The following SHC2 variants were observed in gnomAD, a reference collection of about 807,000 sequenced individuals.
SHC2 encodes SHC-transforming protein 2.
A neutral mutation model predicts 60.6 loss-of-function variants in SHC2; 62 were observed. The ratio of observed to expected loss-of-function variants is 1.02; its 90% CI spans 0.83 to 1.26. The LOEUF (loss-of-function observed/expected upper bound fraction) is 1.26. Ranked by LOEUF, SHC2 falls within the 50% of genes most tolerant of loss-of-function variation. SHC2 has a pLI of 0.00. For missense variants in SHC2, 873 were observed against 822.2 expected, an observed-to-expected ratio of 1.06 and a Z score of -0.76; for synonymous variants, 375 against 372.4, an observed-to-expected ratio of 1.01 and a Z score of -0.08.
In SHC2 at chr19:441,150, G is replaced by A. The variant is rs1180140736; in HGVS notation, c.469-218C>T. The A allele has an allele frequency of 1.2e-5, 12 of 985,024 alleles. No homozygotes were observed. The African/African-American group carries it at 1.9e-4, about 16-fold the overall frequency. The allele number at this position is 985,024 out of a possible 1,614,324, so 61.0% of individuals were successfully genotyped here. A position where few individuals can be genotyped will look rare whatever the true frequency, so the allele number is the denominator to read the frequency against. ...TCTGACTCCAGGCATGTTTTTCTGT[G>A]TTGCTGTTTCTCAGGAGCCTGGTGG... On this transcript the variant is annotated intron_variant, in intron 1 of 12. Transcript: ENST00000264554. This position sits in a 1 kb window ranked among gnomAD's most constrained non-coding sequence, Gnocchi z 4.9.
intron 4 of SHC2, among the ~76,000 whole-genome samples, chr19:437,272 G>T (rs893552070): frequency 6.8e-6 from 1 of 147,104 alleles, no homozygotes; most frequent in African/African-American, 2.7e-5. Flanking sequence ...GCTCGTCTGC[G>T]TGCTCGTCTG....
chr19:430,026 T>G (rs576862049), intron 9 of SHC2, among the ~76,000 whole-genome samples: 41 of 141,130 alleles, frequency 2.9e-4, no homozygotes, highest in African/African-American at 1.1e-3. Flanking sequence ...GATGACGCAG[T>G]ACCTATACCC....
intron 1 of SHC2, among the ~76,000 whole-genome samples, chr19:447,474 G>A (rs1049066374): frequency 6.6e-6 from 1 of 152,200 alleles, no homozygotes; most frequent in Admixed American, 6.5e-5. Context: ...AATTATATCT[G>A]CTTTTTCAAA....
At position 439,727 on chromosome 19, in the gene SHC2, C is replaced by G. The variant is rs530032395; in HGVS notation, c.540-697G>C. Among the ~76,000 whole-genome samples the G allele has an allele frequency of 2.8e-3, 426 of 152,214 alleles. 2 individuals carry two copies. Among genetic ancestry groups the G allele is most frequent in the Admixed American group, 7.8e-3 (120 of 15,306 alleles). ...TGCCTGTCATCCTAGCACTGTGGGC[C>G]TGACACAAACAAATGCATGCAGGCG... On this transcript the variant is annotated intron_variant, in intron 2 of 12. Coordinates refer to ENST00000264554, the MANE Select transcript of SHC2 (RefSeq NM_012435.3).
At chr19:427,837 C>G (rs1426631494) in intron 9 of SHC2, among the ~76,000 whole-genome samples, 1 of 89,862 alleles carries the variant, frequency 1.1e-5, no homozygotes, top group Non-Finnish European at 2.1e-5. Flanking sequence ...GAAGGGGGAA[C>G]TGCACACGGC....
At chr19:421,884 C>A (rs550413653) in intron 11 of SHC2, among the ~76,000 whole-genome samples, 1 of 152,166 alleles carries the variant, frequency 6.6e-6, no homozygotes, top group South Asian at 2.1e-4. Context: ...CAGTCCAGCC[C>A]GGGTGACAGA....
At position 440,765 on chromosome 19, in the gene SHC2, G is replaced by T; in HGVS notation, c.539+97C>A. ...CGAGGCTGCGTCCTGGGACCCCAGC[G>T]CGGCTGTCGGAGAGCCCATCGCTGC... On this transcript the variant is annotated intron_variant, in intron 2 of 12. Transcript: ENST00000264554. This position sits in a 1 kb window ranked among gnomAD's most constrained non-coding sequence, Gnocchi z 7.0. The T allele has an allele frequency of 9.6e-7, 1 of 1,045,526 alleles. No homozygotes were observed. The highest frequency in any genetic ancestry group is 1.5e-6 in the Non-Finnish European group (1 of 675,142). 64.8% of individuals were successfully genotyped at this position (1,045,526 alleles called of 1,614,324 possible). A position where few individuals can be genotyped will look rare whatever the true frequency, so the allele number is the denominator to read the frequency against.
Position 434,563 on chromosome 19 carries a change from CATGAGT to C in SHC2, c.1110+140_1110+145del. The C allele has an allele frequency of 3.8e-4, 7 of 18,410 alleles. 3 individuals are homozygous for C. Among genetic ancestry groups the C allele is most frequent in the Admixed American group, 3.5e-3 (2 of 578 alleles). The allele number at this position is 18,410 out of a possible 1,614,324, so 1.1% of individuals were successfully genotyped here. ...TTGTGAGTCTGTGAGTAAGTGAAAT[CATGAGT>C]GAGTGAGTGAGTGAGTCTGAGTGAG... On this transcript the variant is annotated intron_variant, in intron 8 of 12. Coordinates refer to ENST00000264554, the MANE Select transcript of SHC2 (RefSeq NM_012435.3).
Position 438,690 on chromosome 19 carries a change from G to A in SHC2, c.720+28C>T, listed in dbSNP as rs769799520. 172 of 1,547,340 alleles carry A rather than the reference G, an allele frequency of 1.1e-4. No homozygotes were observed. The highest frequency in any genetic ancestry group is 7.8e-5 in the Admixed American group (4 of 50,966). On this transcript the variant is annotated intron_variant, in intron 4 of 12. Transcript: ENST00000264554. This position sits in a 1 kb window ranked among gnomAD's most constrained non-coding sequence, Gnocchi z 5.0. ...ACTCCTGGCCCCTCTGGGGGTCTGG[G>A]GACGCCAGGCGAAGAGGGCAGACCC...
chr19:445,499 C>A lies in SHC2; in HGVS notation c.469-4567G>T, dbSNP rs1248380671. Among the ~76,000 whole-genome samples the A allele has an allele frequency of 6.6e-6, 1 of 152,156 alleles. No individual in the cohort carries two copies. The highest frequency in any genetic ancestry group is 6.6e-5 in the Admixed American group (1 of 15,256). ...CTGTAATCGCAGCACTTCAGGAGAC[C>A]TAGGTGGGAGGCTGTCTCGAAGCCA... On this transcript the variant is annotated intron_variant, in intron 1 of 12. Coordinates refer to ENST00000264554, the MANE Select transcript of SHC2 (RefSeq NM_012435.3). This position sits in a 1 kb window ranked among gnomAD's most constrained non-coding sequence, Gnocchi z 4.4.
chr19:427,981 T>C lies in SHC2; in HGVS notation c.1174+2703A>G, dbSNP rs138929550. Among the ~76,000 whole-genome samples, 8 of 151,252 alleles carry C rather than the reference T, an allele frequency of 5.3e-5. No homozygotes were observed. The East Asian group carries it at 5.9e-4, about 11-fold the overall frequency. On this transcript the variant is annotated intron_variant, in intron 9 of 12. Transcript: ENST00000264554. ...GAGGGGACGGCACAGGGAAGAGAAA[T>C]TGCACCCCGCACAGGGAAGGGAGGA... is the stretch of plus-strand genomic sequence containing the variant.
chr19:459,745 G>A (rs1465838142), intron 1 of SHC2, among the ~76,000 whole-genome samples: 2 of 152,228 alleles, frequency 1.3e-5, no homozygotes, highest in Non-Finnish European at 2.9e-5. Flanking sequence ...GAGGCCGGGA[G>A]GAGCTGGGAG....
chr19:454,552 G>A (rs1175695092), intron 1 of SHC2, among the ~76,000 whole-genome samples: 3 of 152,186 alleles, frequency 2.0e-5, no homozygotes, highest in Non-Finnish European at 4.4e-5. Flanking sequence ...TTTGGGAGGC[G>A]CAGGCGGGCG....
chr19:428,020 G>A (rs1974466029), intron 9 of SHC2, among the ~76,000 whole-genome samples: 1 of 152,152 alleles, frequency 6.6e-6, no homozygotes, highest in African/African-American at 2.4e-5. Flanking sequence ...CTTGAGCCCA[G>A]GGCTTTGAGA....
At position 447,641 on chromosome 19, in the gene SHC2, G is replaced by A. The variant is rs536262323; in HGVS notation, c.469-6709C>T. Among the ~76,000 whole-genome samples, 30 of 152,242 alleles carry A rather than the reference G, an allele frequency of 2.0e-4. 1 individual carries two copies. Among genetic ancestry groups the A allele is most frequent in the Admixed American group, 9.8e-4 (15 of 15,292 alleles). On this transcript the variant is annotated intron_variant, in intron 1 of 12. Coordinates refer to ENST00000264554, the MANE Select transcript of SHC2 (RefSeq NM_012435.3). ...TAAAAATACAAGATTAGCTGGGCATGTTGGCTTATGCCTGTAATCCCAGCT... is the reference window on the plus strand; with the variant it reads ...TAAAAATACAAGATTAGCTGGGCATATTGGCTTATGCCTGTAATCCCAGCT...
At chr19:439,807 C>T (rs1206625862) in intron 2 of SHC2, among the ~76,000 whole-genome samples, 1 of 152,066 alleles carries the variant, frequency 6.6e-6, no homozygotes, top group Admixed American at 6.5e-5. Flanking sequence ...GGGCGGATCA[C>T]CTGAGGTCAG....
chr19:418,018 C>T (rs935254755), intron 12 of SHC2, among the ~76,000 whole-genome samples: 5 of 152,132 alleles, frequency 3.3e-5, no homozygotes, highest in Admixed American at 1.3e-4. Context: ...CTCCCTCCAG[C>T]CCCACAGCTG....
chr19:446,972 A>G lies in SHC2; in HGVS notation c.469-6040T>C, dbSNP rs867969080. 5.3e-5 allele frequency among the ~76,000 whole-genome samples: 8 copies of G among 152,202 alleles called. No homozygotes were observed. The highest frequency in any genetic ancestry group is 1.4e-4 in the African/African-American group (6 of 41,452). On this transcript the variant is annotated intron_variant, in intron 1 of 12. Coordinates refer to ENST00000264554, the MANE Select transcript of SHC2 (RefSeq NM_012435.3). This position sits in a 1 kb window ranked among gnomAD's most constrained non-coding sequence, Gnocchi z 5.4. The stretch of plus-strand genomic sequence containing the variant: ...CGGGACCCACCTCATAGGCTTTGCC[A>G]TGGTCTGTATCGATGTCATTTACTT...
chr19:460,531 G>T lies in SHC2; in HGVS notation c.466C>A (p.Arg156=). The T allele has an allele frequency of 1.5e-6, 2 of 1,352,300 alleles. No individual in the cohort carries two copies. The highest frequency in any genetic ancestry group is 9.6e-7 in the Non-Finnish European group (1 of 1,045,922). The allele number at this position is 1,352,300 out of a possible 1,614,324, so 83.8% of individuals were successfully genotyped here. Residue 156 remains arginine (R), a splice_region_variant and synonymous_variant, in exon 1 of 13, where the codon CGG becomes AGG. Transcript: ENST00000264554. ...CGGGGGGGGTGGGGGGGACTCACCC[G>T]CACGACGTAGGAGACCCCGGGCCCC... ...VLGPGVSYVV[R]YMGCIEVLRS...
Sources: gnomAD v4.1 joint callset for allele counts (sites outside exome capture counted in the v4.1 genomes callset) on GRCh38, gnomAD v4.1.1 for gene constraint, Gnocchi (gnomAD v3.1) non-coding constraint, MANE v1.5 for transcripts, NCBI Gene and HGNC (gene_info 2026-07-23, HGNC 2026-07-21) for gene names.